Variants in CDK6 observed in about 807,000 individuals in gnomAD.
CDK6 encodes the protein cyclin-dependent kinase 6.
CDK6 carries 6 observed loss-of-function variants against 37.1 expected under a neutral mutation model. The ratio of observed to expected loss-of-function variants is 0.16; its 90% CI spans 0.09 to 0.32. The LOEUF (loss-of-function observed/expected upper bound fraction) is 0.32, where lower values mean the gene tolerates loss of function less well. Among genes scored for constraint, CDK6 ranks in the 10% least tolerant of loss-of-function variants. The pLI, the probability that CDK6 is intolerant of heterozygous loss-of-function variation, is 1.00. For synonymous variants in CDK6, 160 were observed against 161.3 expected (o/e 0.99, Z 0.06); for missense variants, 224 against 418.9 (o/e 0.53, Z 4.06).
intron 4 of CDK6, among the ~76,000 whole-genome samples, chr7:92,722,736 A>G (rs887511659): frequency 6.6e-6 from 1 of 152,254 alleles, no homozygotes; most frequent in Non-Finnish European, 1.5e-5. Flanking sequence ...TCTGCAAGTC[A>G]GCATTTGTCA....
rs191929490 is a variant in CDK6 at position 92,772,343 on chromosome 7, A to G, written c.369+2353T>C. On this transcript the variant is annotated intron_variant, in intron 3 of 7. Transcript: ENST00000424848. ...GACTATGGTTTATTTTACTATGAAA[A>G]CATCAATACAACATTAGCCACAAAC... is the stretch of plus-strand genomic sequence containing the variant. Among the ~76,000 whole-genome samples, 8 of 152,170 alleles carry G rather than the reference A, an allele frequency of 5.3e-5. No individual in the cohort carries two copies. In the East Asian group the frequency reaches 1.5e-3, roughly 29 times the overall value.
At chr7:92,616,788 G>A (rs1173002278) in intron 7 of CDK6, among the ~76,000 whole-genome samples, 4 of 152,146 alleles carry the variant, frequency 2.6e-5, no homozygotes, top group Admixed American at 1.3e-4. Context: ...CTACACTGAT[G>A]GCTTAAAGCT....
At chr7:92,675,809 T>C (rs1412221056) in intron 4 of CDK6, among the ~76,000 whole-genome samples, 6 of 152,196 alleles carry the variant, frequency 3.9e-5, no homozygotes. Context: ...ATTTTCGTAA[T>C]GATAAAGGAT....
chr7:92,733,372 A>G (rs1190802513), intron 3 of CDK6, among the ~76,000 whole-genome samples: 1 of 152,072 alleles, frequency 6.6e-6, no homozygotes, highest in African/African-American at 2.4e-5. Flanking sequence ...CTCCAACATC[A>G]CTAGGATGCC....
chr7:92,799,754 A>G (rs1036993777), intron 2 of CDK6, among the ~76,000 whole-genome samples: 6 of 152,150 alleles, frequency 3.9e-5, no homozygotes, highest in African/African-American at 1.4e-4. Flanking sequence ...TGCAAAAGTG[A>G]TATTCCAAAT....
At chr7:92,703,184 G>A (rs968315305) in intron 4 of CDK6, among the ~76,000 whole-genome samples, 5 of 152,118 alleles carry the variant, frequency 3.3e-5, no homozygotes, top group African/African-American at 1.2e-4. Context: ...AACTGTGATG[G>A]GTGAGGTGGA....
chr7:92,826,914 A>T, intron 2 of CDK6, among the ~76,000 whole-genome samples: 1 of 152,184 alleles, frequency 6.6e-6, no homozygotes, highest in African/African-American at 2.4e-5. Flanking sequence ...TGGATATAAA[A>T]TACACAATCC....
intron 4 of CDK6, among the ~76,000 whole-genome samples, chr7:92,704,096 G>C (rs962510962): frequency 1.3e-5 from 2 of 151,984 alleles, no homozygotes; most frequent in Non-Finnish European, 2.9e-5. Flanking sequence ...TATCTCCTAC[G>C]CAAAAGACCT....
chr7:92,625,672 AC>A lies in CDK6; in HGVS notation c.648-2587del, dbSNP rs545229851. Among the ~76,000 whole-genome samples the A allele has an allele frequency of 3.5e-3, 536 of 152,244 alleles. 5 individuals are homozygous for A. The highest frequency in any genetic ancestry group is 0.012 in the African/African-American group (510 of 41,580). Reference sequence around the variant, plus strand: ...TCAGATTATATGCCTTTTTAAAAAAACAACTCAAAAATGCATAGATATCATT... The same window carrying A: ...TCAGATTATATGCCTTTTTAAAAAAAAACTCAAAAATGCATAGATATCATT... On this transcript the variant is annotated intron_variant, in intron 5 of 7. Coordinates refer to ENST00000424848, the MANE Select transcript of CDK6 (RefSeq NM_001145306.2).
chr7:92,631,343 G>T (rs1796047828), intron 5 of CDK6, among the ~76,000 whole-genome samples: 1 of 152,090 alleles, frequency 6.6e-6, no homozygotes, highest in South Asian at 2.1e-4. Context: ...GTAGAAGACA[G>T]AATTTTTTAA....
At chr7:92,655,854 GT>G (rs1314433218) in intron 5 of CDK6, among the ~76,000 whole-genome samples, 1 of 152,232 alleles carries the variant, frequency 6.6e-6, no homozygotes, top group Non-Finnish European at 1.5e-5. Flanking sequence ...TCTTTTTCCT[GT>G]TATAAAAGTG....
intron 5 of CDK6, among the ~76,000 whole-genome samples, chr7:92,665,514 T>C (rs1796936774): frequency 1.3e-5 from 2 of 152,200 alleles, no homozygotes; most frequent in African/African-American, 4.8e-5. Flanking sequence ...CAGATAACAG[T>C]GACAGATGAT....
chr7:92,678,506 C>A (rs534054457), intron 4 of CDK6, among the ~76,000 whole-genome samples: 1 of 152,186 alleles, frequency 6.6e-6, no homozygotes, highest in Non-Finnish European at 1.5e-5. Flanking sequence ...TCTCTATTCA[C>A]ATTTTTTTGA....
At chr7:92,742,759 A>C (rs1299697081) in intron 3 of CDK6, among the ~76,000 whole-genome samples, 1 of 150,750 alleles carries the variant, frequency 6.6e-6, no homozygotes, top group Non-Finnish European at 1.5e-5. Context: ...ACACACACAC[A>C]CCCCTTTTGT....
chr7:92,767,237 T>C (rs1562959559), intron 3 of CDK6, among the ~76,000 whole-genome samples: 1 of 152,234 alleles, frequency 6.6e-6, no homozygotes, highest in Non-Finnish European at 1.5e-5. Flanking sequence ...TCAGCTACTA[T>C]AAGGGTTAGG....
At chr7:92,742,183 G>A (rs946104082) in intron 3 of CDK6, among the ~76,000 whole-genome samples, 5 of 152,160 alleles carry the variant, frequency 3.3e-5, no homozygotes, top group African/African-American at 1.2e-4. Context: ...CTTTGCTTAG[G>A]TTGAGAGTGA....
At chr7:92,831,499 G>A (rs950298943) in intron 2 of CDK6, among the ~76,000 whole-genome samples, 5 of 152,140 alleles carry the variant, frequency 3.3e-5, no homozygotes, top group Admixed American at 1.3e-4. Context: ...CCCCTAGGAC[G>A]ACAGCTGAGT....
chr7:92,633,089 GAAGAA>G (rs1303904370), intron 5 of CDK6, among the ~76,000 whole-genome samples: 1 of 151,898 alleles, frequency 6.6e-6, no homozygotes, highest in Non-Finnish European at 1.5e-5. Flanking sequence ...AAATCTTGGT[GAAGAA>G]AAGAAATCAA....
rs370867571 is a variant in CDK6 at position 92,637,467 on chromosome 7, T to C, written c.648-14381A>G. 8.5e-5 allele frequency among the ~76,000 whole-genome samples: 13 copies of C among 152,286 alleles called. 1 individual carries two copies. Among genetic ancestry groups the C allele is most frequent in the African/African-American group, 3.1e-4 (13 of 41,568 alleles). On this transcript the variant is annotated intron_variant, in intron 5 of 7. Transcript: ENST00000424848. ...ATCCTGAATGAATTTTAAGGAAATATGTAAGAGAATTTCACCTTAAGATCA... is the reference window on the plus strand; with the variant it reads ...ATCCTGAATGAATTTTAAGGAAATACGTAAGAGAATTTCACCTTAAGATCA...
Sources: allele counts gnomAD v4.1 joint callset (sites outside exome capture counted in the v4.1 genomes callset), GRCh38; gene constraint gnomAD v4.1.1; transcripts MANE v1.5; gene names NCBI Gene and HGNC (gene_info 2026-07-23, HGNC 2026-07-21).